The following HAVCR1 variants were observed in gnomAD, a reference collection of about 807,000 sequenced individuals.
HAVCR1 encodes the protein T cell immunoglobin domain and mucin domain protein 1.
Under a neutral mutation model 32.0 loss-of-function variants are expected in HAVCR1, and 34 were observed. The ratio of observed to expected loss-of-function variants is 1.06; its 90% CI spans 0.81 to 1.42. The LOEUF (loss-of-function observed/expected upper bound fraction) is 1.42. Among genes scored for constraint, HAVCR1 ranks in the 40% most tolerant of loss-of-function variants. The pLI, the probability that HAVCR1 is intolerant of heterozygous loss-of-function variation, is 0.00. For synonymous variants in HAVCR1, 178 were observed against 170.3 expected (o/e 1.05, Z -0.35); for missense variants, 420 against 442.3 (o/e 0.95, Z 0.45).
intron 4 of HAVCR1, among the ~76,000 whole-genome samples, chr5:157,051,376 T>A (rs1301416329): frequency 6.6e-6 from 1 of 152,110 alleles, no homozygotes; most frequent in Non-Finnish European, 1.5e-5. Flanking sequence ...GTTTAAGGGT[T>A]TTTTTCAGTA....
chr5:157,054,201 A>AT (rs1554092395), intron 3 of HAVCR1, among the ~76,000 whole-genome samples: 2 of 150,758 alleles, frequency 1.3e-5, no homozygotes, highest in African/African-American at 4.9e-5. Context: ...AAAAAAAAAA[A>AT]AAAAAAAAAA....
chr5:157,057,055 G>A (rs1208851872), intron 2 of HAVCR1, among the ~76,000 whole-genome samples: 1 of 152,070 alleles, frequency 6.6e-6, no homozygotes, highest in East Asian at 1.9e-4. Context: ...GGTGACTCAC[G>A]CCTATAATTC....
intron 5 of HAVCR1, among the ~76,000 whole-genome samples, chr5:157,044,615 GAGAAAGAA>G (rs1554090477): frequency 0.041 from 2,127 of 52,362 alleles, 70 homozygotes; most frequent in Non-Finnish European, 0.064. Flanking sequence ...AAGAAAGAAA[GAGAAAGAA>G]AGAAAGAAAG....
intron 2 of HAVCR1, among the ~76,000 whole-genome samples, chr5:157,057,419 GAAAGAAAGAAA>G (rs1756257005): frequency 1.4e-5 from 2 of 141,866 alleles, no homozygotes; most frequent in Non-Finnish European, 3.1e-5. Context: ...AAGAAAGAAA[GAAAGAAAGAAA>G]GAAAGAAAGA....
chr5:157,032,232 A>G lies in HAVCR1; in HGVS notation c.986+622T>C, dbSNP rs572074663. On this transcript the variant is annotated intron_variant, in intron 8 of 8. Coordinates refer to ENST00000523175, the MANE Select transcript of HAVCR1 (RefSeq NM_001173393.3). ...ACCCTGTCTCTACTAAAAGTATGAA[A>G]AAATGGCCGGGCGCGGTGGCTCATG... Among the ~76,000 whole-genome samples, 6 of 152,310 alleles carry G rather than the reference A, an allele frequency of 3.9e-5. 1 individual carries two copies. The highest frequency in any genetic ancestry group is 1.9e-4 in the East Asian group (1 of 5,176).
At chr5:157,050,747 ACT>A (rs1330539032) in intron 4 of HAVCR1, among the ~76,000 whole-genome samples, 1 of 151,940 alleles carries the variant, frequency 6.6e-6, no homozygotes, top group African/African-American at 2.4e-5. Context: ...AGTCTAACAG[ACT>A]CTCTAGTGTG....
At chr5:157,058,131 C>A in intron 1 of HAVCR1, 176 bp from the exon 2 acceptor site, 1 of 580,872 alleles carries the variant, frequency 1.7e-6, no homozygotes, top group Non-Finnish European at 3.1e-6. Context: ...TGTTAGTTCC[C>A]TGCAGCTGAG....
At position 157,052,466 on chromosome 5, in the gene HAVCR1, C is replaced by T. The variant is rs776819911; in HGVS notation, c.568G>A (p.Val190Ile). ...GTTGGAATGCTCGTTGTCGTTGGAACGCTCGTTGTCGTTGAAACAGTCATT... is the reference window on the plus strand; with the variant it reads ...GTTGGAATGCTCGTTGTCGTTGGAATGCTCGTTGTCGTTGAAACAGTCATT... ...TTMTVSTTTS[V>I]PTTTSIPTTT... The change falls in exon 4 of 9, where the codon GTT becomes ATT. Residue 190 changes from valine (V) to isoleucine (I), a missense_variant. Physicochemically the swap from Val to Ile is conservative, Grantham distance 29. Transcript: ENST00000523175. The T allele has an allele frequency of 6.7e-5, 108 of 1,603,514 alleles. No individual in the cohort carries two copies. Among genetic ancestry groups the T allele is most frequent in the Admixed American group, 1.5e-4 (9 of 58,926 alleles).
At chr5:157,047,680 C>T (rs1347857976) in intron 5 of HAVCR1, among the ~76,000 whole-genome samples, 1 of 152,180 alleles carries the variant, frequency 6.6e-6, no homozygotes, top group Non-Finnish European at 1.5e-5. Flanking sequence ...TCATCCTGTG[C>T]ATCTCATCAT....
At chr5:157,037,043 CTT>C (rs1482144372) in intron 7 of HAVCR1, among the ~76,000 whole-genome samples, 1 of 152,082 alleles carries the variant, frequency 6.6e-6, no homozygotes, top group Non-Finnish European at 1.5e-5. Context: ...ATTCTTAGTG[CTT>C]TGTAGGTACC....
At chr5:157,042,152 T>C (rs1754939165) in intron 6 of HAVCR1, among the ~76,000 whole-genome samples, 1 of 152,092 alleles carries the variant, frequency 6.6e-6, no homozygotes, top group African/African-American at 2.4e-5. Flanking sequence ...CATAATCTCT[T>C]TGGGCATCTC....
chr5:157,060,951 G>A (rs12516395), upstream of HAVCR1, among the ~76,000 whole-genome samples: 22,638 of 151,714 alleles, frequency 0.15, 1,932 homozygotes, highest in Admixed American at 0.24. Flanking sequence ...AGGCTGGAGT[G>A]CAGTGTCACA....
intron 5 of HAVCR1, among the ~76,000 whole-genome samples, chr5:157,044,458 AG>A (rs1755151526): frequency 1.4e-5 from 1 of 70,384 alleles, no homozygotes; most frequent in Non-Finnish European, 2.7e-5. Flanking sequence ...AAAGAAAGAA[AG>A]AAAGAAAGAA....
At chr5:157,067,228 T>C in the HAVCR1 span, among the ~76,000 whole-genome samples, 1 of 152,172 alleles carries the variant, frequency 6.6e-6, no homozygotes, top group Non-Finnish European at 1.5e-5. Flanking sequence ...GATAACTTCT[T>C]AATCTTCCCA....
intron 7 of HAVCR1, among the ~76,000 whole-genome samples, chr5:157,034,449 T>C (rs1754406895): frequency 6.6e-6 from 1 of 151,904 alleles, no homozygotes; most frequent in African/African-American, 2.4e-5. Context: ...ATAGAATGTA[T>C]GATCGGGTTT....
intron 5 of HAVCR1, among the ~76,000 whole-genome samples, chr5:157,044,169 T>G (rs1023800716): frequency 4.0e-5 from 6 of 151,582 alleles, no homozygotes; most frequent in African/African-American, 1.2e-4. Flanking sequence ...CCATCTCTAC[T>G]AAAAATATAA....
upstream of HAVCR1, among the ~76,000 whole-genome samples, chr5:157,062,019 A>G (rs1756500308): frequency 1.3e-5 from 2 of 152,146 alleles, no homozygotes; most frequent in African/African-American, 4.8e-5. Flanking sequence ...AGCACAGTGG[A>G]TTTTTTTAAT....
At chr5:157,044,621 G>A (rs200558735) in intron 5 of HAVCR1, among the ~76,000 whole-genome samples, 2 of 42,696 alleles carry the variant, frequency 4.7e-5, no homozygotes, top group African/African-American at 1.5e-4. Flanking sequence ...GAAAGAGAAA[G>A]AAAGAAAGAA....
Position 157,042,831 on chromosome 5 carries a change from G to C in HAVCR1, c.782-149C>G, listed in dbSNP as rs190193595. 1,496 of 517,948 alleles carry C rather than the reference G, an allele frequency of 2.9e-3. 5 individuals carry two copies. Among genetic ancestry groups the C allele is most frequent in the Non-Finnish European group, 3.7e-3 (1,087 of 294,942 alleles). 32.1% of individuals were successfully genotyped at this position (517,948 alleles called of 1,614,324 possible). On this transcript the variant is annotated intron_variant, in intron 5 of 8. Coordinates refer to ENST00000523175, the MANE Select transcript of HAVCR1 (RefSeq NM_001173393.3). ...GCAGGCACTGCAAGAGTCATACCAA[G>C]TTATTAATGTTATATTAATTTCTCC...
Sources: allele counts gnomAD v4.1 joint callset (sites outside exome capture counted in the v4.1 genomes callset), GRCh38; gene constraint gnomAD v4.1.1; transcripts MANE v1.5; gene names NCBI Gene and HGNC (gene_info 2026-07-23, HGNC 2026-07-21).